CFAP70: variants seen among roughly 807,000 people sequenced by gnomAD.
CFAP70 encodes the protein cilia- and flagella-associated protein 70.
A neutral mutation model predicts 137.6 loss-of-function variants in CFAP70; 81 were observed. The observed-to-expected ratio is 0.59, with a 90% CI of 0.49 to 0.71. CFAP70 has a LOEUF of 0.71. Ranked by LOEUF, CFAP70 falls within the 30% of genes least tolerant of loss-of-function variation. The pLI is 0.00. For synonymous variants in CFAP70, 382 were observed against 423.6 expected, an observed-to-expected ratio of 0.90 and a Z score of 1.20; for missense variants, 976 against 1,226.7, an observed-to-expected ratio of 0.80 and a Z score of 3.05.
chr10:73,342,383 A>C (rs2053327020), intron 5 of CFAP70, among the ~76,000 whole-genome samples: 1 of 152,138 alleles, frequency 6.6e-6, no homozygotes, highest in African/African-American at 2.4e-5. Flanking sequence ...ACAAAAAAAA[A>C]AAATTAAAAA....
At chr10:73,299,688 T>TA (rs756746872) in intron 12 of CFAP70, 23 bp from the exon 14 acceptor site, 4 of 1,583,232 alleles carry the variant, frequency 2.5e-6, no homozygotes, top group Admixed American at 1.8e-5. Context: ...AGAAAAAAAA[T>TA]AAAAAAACAA....
chr10:73,326,325 A>G (rs1410149460), intron 8 of CFAP70, among the ~76,000 whole-genome samples: 7 of 148,012 alleles, frequency 4.7e-5, no homozygotes, highest in Non-Finnish European at 1.0e-4. Context: ...TCTCTGGGAC[A>G]CATTCAAAGC....
intron 9 of CFAP70, among the ~76,000 whole-genome samples, chr10:73,317,527 TAA>T: frequency 6.6e-6 from 1 of 152,198 alleles, no homozygotes; most frequent in African/African-American, 2.4e-5. Flanking sequence ...TGACTATATA[TAA>T]TGTGTATATT....
At chr10:73,351,045 ATGTGTG>A (rs776068868) in intron 3 of CFAP70, among the ~76,000 whole-genome samples, 25 of 68,550 alleles carry the variant, frequency 3.6e-4, no homozygotes, top group Admixed American at 1.4e-3. Context: ...GTGTGTATAT[ATGTGTG>A]TGTGTGTGTG....
chr10:73,264,065 C>T (rs12265972), intron 25 of CFAP70, among the ~76,000 whole-genome samples: 15,974 of 152,232 alleles, frequency 0.1, 1,199 homozygotes, highest in East Asian at 0.29. Context: ...GTCCCCACTT[C>T]AAGCTAGTTT....
chr10:73,361,693 C>T (rs911582051), upstream of CFAP70, among the ~76,000 whole-genome samples: 5 of 152,140 alleles, frequency 3.3e-5, no homozygotes, highest in Admixed American at 1.3e-4. Flanking sequence ...GATGCACTAG[C>T]TCAACAAATT....
chr10:73,348,462 G>T (rs2132490300), exon 4 of CFAP70: 3 of 1,547,650 alleles, frequency 1.9e-6, no homozygotes, highest in Non-Finnish European at 2.6e-6. Flanking sequence ...GCCTGACCAA[G>T]AATTAAGGTC....
intron 8 of CFAP70, among the ~76,000 whole-genome samples, chr10:73,328,479 A>G (rs1341597180): frequency 2.0e-5 from 3 of 150,084 alleles, no homozygotes; most frequent in African/African-American, 7.4e-5. Flanking sequence ...AAAAGCCAAA[A>G]TTGACAAATG....
At chr10:73,346,182 C>T in intron 4 of CFAP70, among the ~76,000 whole-genome samples, 1 of 151,966 alleles carries the variant, frequency 6.6e-6, no homozygotes, top group African/African-American at 2.4e-5. Flanking sequence ...CAGGCGTGAG[C>T]CACTGCACCC....
At chr10:73,361,001 CT>C (rs557958831), upstream of CFAP70, among the ~76,000 whole-genome samples, 7,444 of 141,182 alleles carry the variant, frequency 0.053, 488 homozygotes, top group African/African-American at 0.16. Context: ...TTACAATTTT[CT>C]TTTTTTTTTT....
intron 9 of CFAP70, among the ~76,000 whole-genome samples, chr10:73,313,296 T>C (rs1486982357): frequency 2.1e-5 from 3 of 143,952 alleles, no homozygotes; most frequent in Non-Finnish European, 4.5e-5. Flanking sequence ...GGTGTGAACC[T>C]GGGAGGCGGA....
intron 24 of CFAP70, 74 bp downstream of exon 25, chr10:73,272,854 C>T (rs1309523081): frequency 3.8e-6 from 5 of 1,300,282 alleles, no homozygotes; most frequent in Non-Finnish European, 5.4e-6. Context: ...CACAAACCCC[C>T]AGGATGCTTG....
chr10:73,338,054 G>A lies in CFAP70; in HGVS notation c.583-2530C>T, dbSNP rs543488518. ...AATAGACTAATGTAAATGGGGTAAC[G>A]TTGGTAATTTTGTGTTGTTTTCTTC... On this transcript the variant is annotated intron_variant, in intron 6 of 26. Transcript: ENST00000310715. 9.9e-5 allele frequency among the ~76,000 whole-genome samples: 15 copies of A among 152,106 alleles called. No homozygotes were observed. In the South Asian group the frequency reaches 2.7e-3, roughly 27 times the overall value.
At chr10:73,311,868 C>T (rs1418731900) in exon 11 of CFAP70, 3 of 1,613,860 alleles carry the variant, frequency 1.9e-6, no homozygotes, top group Non-Finnish European at 1.7e-6. Context: ...AGGGGGTTCA[C>T]CTTCCAAAGG....
At chr10:73,254,276 C>A in intron 26 of CFAP70, 1 of 369,478 alleles carries the variant, frequency 2.7e-6, no homozygotes, top group Non-Finnish European at 4.8e-6. Context: ...TCATCAAGCA[C>A]TATGCACGGT....
intron 9 of CFAP70, 77 bp from the exon 11 acceptor site, chr10:73,312,720 C>T (rs1027131813): frequency 1.0e-5 from 13 of 1,280,768 alleles, no homozygotes; most frequent in Non-Finnish European, 1.3e-5. Flanking sequence ...TTTTTTTTTA[C>T]CATTTAGTCT....
chr10:73,271,037 G>C (rs190244066), intron 24 of CFAP70, among the ~76,000 whole-genome samples: 2 of 152,108 alleles, frequency 1.3e-5, no homozygotes, highest in South Asian at 4.1e-4. Flanking sequence ...ATAAAATCCC[G>C]TAGTCCCAGG....
intron 12 of CFAP70, among the ~76,000 whole-genome samples, chr10:73,301,648 G>T (rs776127024): frequency 7.2e-5 from 11 of 152,150 alleles, no homozygotes; most frequent in Non-Finnish European, 1.3e-4. Flanking sequence ...GACTGCTAAT[G>T]TACATGGGAT....
At chr10:73,284,210 T>C (rs1218163433) in intron 19 of CFAP70, among the ~76,000 whole-genome samples, 1 of 152,192 alleles carries the variant, frequency 6.6e-6, no homozygotes, top group East Asian at 1.9e-4. Flanking sequence ...TGTAGCCCCT[T>C]TCCTCCAACT....
Sources: allele counts gnomAD v4.1 joint callset (sites outside exome capture counted in the v4.1 genomes callset), GRCh38; gene constraint gnomAD v4.1.1; transcripts MANE v1.5; gene names NCBI Gene and HGNC (gene_info 2026-07-23, HGNC 2026-07-21).